ELP3: variants seen among roughly 807,000 people sequenced by gnomAD.
ELP3 encodes elongator acetyltransferase complex subunit 3.
Under a neutral mutation model 74.9 loss-of-function variants are expected in ELP3, and 56 were observed. The ratio of observed to expected loss-of-function variants is 0.75; its 90% confidence interval spans 0.60 to 0.93. ELP3 has a LOEUF of 0.93. Among genes scored for constraint, ELP3 ranks in the 40% least tolerant of loss-of-function variants. ELP3 has a pLI of 0.00. For synonymous variants in ELP3, 222 were observed against 239.8 expected (o/e 0.93, Z 0.68); for missense variants, 573 against 686.5 (o/e 0.83, Z 1.85).
chr8:28,100,399 G>C (rs774666673), intron 3 of ELP3, among the ~76,000 whole-genome samples: 3 of 152,256 alleles, frequency 2.0e-5, no homozygotes, highest in Non-Finnish European at 4.4e-5. Context: ...GGCTGGGGAA[G>C]GCCCAGTAGA....
chr8:28,169,812 A>C (rs1814448190), intron 14 of ELP3, among the ~76,000 whole-genome samples: 1 of 152,124 alleles, frequency 6.6e-6, no homozygotes, highest in Non-Finnish European at 1.5e-5. Context: ...TTGGAGCTGA[A>C]GGATCCCCTC....
chr8:28,107,843 AG>A, intron 4 of ELP3, 69 bp from the exon 5 acceptor site: 1 of 1,193,796 alleles, frequency 8.4e-7, no homozygotes, highest in South Asian at 1.3e-5. Context: ...TGGAGATGGT[AG>A]ATGCTTGGAA....
rs1304866417 is a variant in ELP3 at position 28,190,725 on chromosome 8, T to C, written c.*1000T>C. On this transcript the variant is annotated 3_prime_UTR_variant, in exon 15 of 15. Transcript: ENST00000256398. ...GATTACAGGCACCCGCCGCTGCTAA[T>C]TTTTGTATTTTTAGTAGAGATGGGG... is the stretch of plus-strand genomic sequence containing the variant. The C allele has an allele frequency of 6.6e-6, 1 of 152,134 alleles. No homozygotes were observed. Among genetic ancestry groups the C allele is most frequent in the Non-Finnish European group, 1.5e-5 (1 of 68,044 alleles). 9.4% of individuals were successfully genotyped at this position (152,134 alleles called of 1,614,324 possible). A position where few individuals can be genotyped will look rare whatever the true frequency, so the allele number is the denominator to read the frequency against.
intron 14 of ELP3, among the ~76,000 whole-genome samples, chr8:28,178,892 G>A (rs1814875099): frequency 6.6e-6 from 1 of 152,200 alleles, no homozygotes; most frequent in Non-Finnish European, 1.5e-5. Flanking sequence ...GCCATTTGGA[G>A]ATCCTCTTTC....
chr8:28,109,276 C>T (rs1272347703), intron 5 of ELP3, among the ~76,000 whole-genome samples: 1 of 152,068 alleles, frequency 6.6e-6, no homozygotes, highest in East Asian at 1.9e-4. Context: ...AAGGAGTCAC[C>T]CTCCTCAGAA....
At chr8:28,184,444 C>G (rs1317507654) in intron 14 of ELP3, among the ~76,000 whole-genome samples, 3 of 152,246 alleles carry the variant, frequency 2.0e-5, no homozygotes, top group East Asian at 1.9e-4. Context: ...GGGCACACCC[C>G]CTGTAGAAAG....
At chr8:28,144,680 C>A (rs1022851647) in intron 10 of ELP3, among the ~76,000 whole-genome samples, 11 of 152,148 alleles carry the variant, frequency 7.2e-5, no homozygotes, top group African/African-American at 2.7e-4. Context: ...TCAGATAGAA[C>A]TAGAATTTGG....
At chr8:28,167,019 C>T (rs1032249190) in intron 14 of ELP3, among the ~76,000 whole-genome samples, 2 of 152,202 alleles carry the variant, frequency 1.3e-5, no homozygotes, top group African/African-American at 2.4e-5. Context: ...CGATGGATCA[C>T]ACAGTGATGG....
At chr8:28,109,667 C>T (rs1400656179) in intron 5 of ELP3, among the ~76,000 whole-genome samples, 1 of 152,156 alleles carries the variant, frequency 6.6e-6, no homozygotes. Context: ...GGTTTATGTA[C>T]ACCTGATACA....
rs928535501 is a variant in ELP3 at position 28,152,046 on chromosome 8, G to A, written c.1101-3896G>A. 1.8e-4 allele frequency among the ~76,000 whole-genome samples: 27 copies of A among 152,166 alleles called. 1 individual carries two copies. The highest frequency in any genetic ancestry group is 6.0e-4 in the African/African-American group (25 of 41,450). ...TTCTCACAGCAGTTTCCACTCAGGA[G>A]TCTCTGCTCTGTTAAGCCACGACTT... On this transcript the variant is annotated intron_variant, in intron 10 of 14. Transcript: ENST00000256398.
intron 3 of ELP3, among the ~76,000 whole-genome samples, chr8:28,103,444 C>T (rs1405585116): frequency 2.6e-5 from 4 of 151,998 alleles, no homozygotes; most frequent in African/African-American, 7.3e-5. Flanking sequence ...CCACTATTTG[C>T]TTATTCATTC....
chr8:28,121,773 A>G (rs1468105142), intron 7 of ELP3, among the ~76,000 whole-genome samples: 1 of 152,210 alleles, frequency 6.6e-6, no homozygotes, highest in Non-Finnish European at 1.5e-5. Flanking sequence ...CTAAACAATC[A>G]TGTCATCTGC....
intron 10 of ELP3, among the ~76,000 whole-genome samples, chr8:28,143,654 AG>A (rs1813327519): frequency 1.3e-5 from 2 of 152,192 alleles, no homozygotes; most frequent in Non-Finnish European, 2.9e-5. Context: ...TTAGAAATTT[AG>A]GTCGCTTCCA....
chr8:28,149,638 A>AT (rs1813567186), intron 10 of ELP3, among the ~76,000 whole-genome samples: 1 of 152,082 alleles, frequency 6.6e-6, no homozygotes, highest in African/African-American at 2.4e-5. Flanking sequence ...GGTTTCATTG[A>AT]TTTGTTTCTC....
chr8:28,189,532 A>C, intron 14 of ELP3, 117 bp from the exon 15 acceptor site: 1 of 836,780 alleles, frequency 1.2e-6, no homozygotes, highest in Non-Finnish European at 2.0e-6. Context: ...CTGAGATTTT[A>C]TGTGGGAGAG....
In ELP3 at chr8:28,137,745, T is replaced by C. The variant is rs768131493; in HGVS notation, c.954T>C (p.Tyr318=). 1 of 1,613,960 alleles carries C rather than the reference T, an allele frequency of 6.2e-7. No individual in the cohort carries two copies. The highest frequency in any genetic ancestry group is 1.1e-5 in the South Asian group (1 of 91,024). The change falls in exon 10 of 15, where the codon TAT becomes TAC. Residue 318 remains tyrosine, a synonymous_variant. Transcript: ENST00000256398. ...PAFRPDGLKL[Y]PTLVIRGTGL... ...TTCGTCCCGATGGGCTGAAACTCTATCCTACCCTGGTGATTCGTGGGACCG... is the reference window on the plus strand; with the variant it reads ...TTCGTCCCGATGGGCTGAAACTCTACCCTACCCTGGTGATTCGTGGGACCG...
intron 9 of ELP3, among the ~76,000 whole-genome samples, chr8:28,135,786 A>G (rs1812963767): frequency 1.3e-5 from 2 of 152,136 alleles, no homozygotes; most frequent in Non-Finnish European, 2.9e-5. Flanking sequence ...GTGATTGAGC[A>G]GGCCTTTCGT....
chr8:28,173,740 A>G (rs1428302455), intron 14 of ELP3, among the ~76,000 whole-genome samples: 1 of 151,928 alleles, frequency 6.6e-6, no homozygotes, highest in Non-Finnish European at 1.5e-5. Context: ...GTGAGCATTT[A>G]CAGCTATAAG....
Position 28,113,003 on chromosome 8 carries a change from T to C in ELP3, c.463-16T>C, listed in dbSNP as rs1247431348. 1.2e-6 allele frequency: 2 copies of C among 1,610,786 alleles called. No homozygotes were observed. Among genetic ancestry groups the C allele is most frequent in the Non-Finnish European group, 8.5e-7 (1 of 1,178,454 alleles). On this transcript the variant is annotated splice_polypyrimidine_tract_variant and intron_variant, in intron 6 of 14. Coordinates refer to ENST00000256398, the MANE Select transcript of ELP3 (RefSeq NM_018091.6). ...TATGCTTATATCATTCTAATGCTGA[T>C]GAATTTGTCTTTCAGTTAAAACAAC...
Sources: allele counts gnomAD v4.1 joint callset (sites outside exome capture counted in the v4.1 genomes callset), GRCh38; gene constraint gnomAD v4.1.1; transcripts MANE v1.5; gene names NCBI Gene and HGNC (gene_info 2026-07-23, HGNC 2026-07-21).